Variants in SLC35F5 observed in about 807,000 individuals in gnomAD.
The protein encoded by SLC35F5 is HCV NS5A-transactivated protein 3.
SLC35F5 carries 54 observed loss-of-function variants against 68.6 expected under a neutral mutation model. That is an observed-to-expected ratio of 0.79 (90% CI 0.63 to 0.99). The LOEUF (loss-of-function observed/expected upper bound fraction) is 0.99. Among genes scored for constraint, SLC35F5 ranks in the 50% least tolerant of loss-of-function variants. The probability of loss-of-function intolerance (pLI) is 0.00; values close to 1 mark genes in which losing one functional copy is unlikely to be tolerated. For synonymous variants in SLC35F5, 211 were observed against 205.2 expected, an observed-to-expected ratio of 1.03 and a Z score of -0.24; for missense variants, 567 against 626.9, an observed-to-expected ratio of 0.90 and a Z score of 1.02.
At chr2:113,751,662 T>C (rs1190058302) in intron 3 of SLC35F5, among the ~76,000 whole-genome samples, 3 of 151,348 alleles carry the variant, frequency 2.0e-5, no homozygotes, top group Non-Finnish European at 2.9e-5. Context: ...ATACAAAAAT[T>C]TGCAGTACAT....
In SLC35F5 at chr2:113,732,424, A is replaced by G. The variant is rs552112906; in HGVS notation, c.921-776T>C. Among the ~76,000 whole-genome samples, 304 of 141,894 alleles carry G rather than the reference A, an allele frequency of 2.1e-3. 2 individuals carry two copies. The Middle Eastern group carries it at 0.04, about 19-fold the overall frequency. The allele number at this position is 141,894 out of a possible 152,430, so 93.1% of individuals were successfully genotyped here. A position where few individuals can be genotyped will look rare whatever the true frequency, so the allele number is the denominator to read the frequency against. ...TTTTCAAGTAGATGAGATATTGCTA[A>G]TTAAAAAAAAAAATTAGCCTAATTC... On this transcript the variant is annotated intron_variant, in intron 9 of 15. Coordinates refer to ENST00000245680, the MANE Select transcript of SLC35F5 (RefSeq NM_025181.5).
chr2:113,708,834 G>C lies in SLC35F5; in HGVS notation c.*6384C>G, dbSNP rs1226995786. 6.6e-6 allele frequency among the ~76,000 whole-genome samples: 1 copy of C among 151,388 alleles called. No homozygotes were observed. Among genetic ancestry groups the C allele is most frequent in the Non-Finnish European group, 1.5e-5 (1 of 67,726 alleles). On this transcript the variant is annotated 3_prime_UTR_variant, in exon 16 of 16. Transcript: ENST00000245680. The stretch of plus-strand genomic sequence containing the variant: ...GATGCTGTCTGAAAATCAAGATCAA[G>C]CAGGTGATGAAAACTATACCTTTTG...
At chr2:113,735,171 C>T (rs1263079150) in intron 8 of SLC35F5, among the ~76,000 whole-genome samples, 1 of 152,062 alleles carries the variant, frequency 6.6e-6, no homozygotes, top group Non-Finnish European at 1.5e-5. Context: ...GGAAAGGCAA[C>T]TACAATACAA....
In SLC35F5 at chr2:113,707,201, G is replaced by A. The variant is rs573677382; in HGVS notation, c.*8017C>T. ...ACTCATTATAAATATTTCATCTTCC[G>A]AAAGTACTCTTTGATTACCTCTGGC... On this transcript the variant is annotated 3_prime_UTR_variant, in exon 16 of 16. Coordinates refer to ENST00000245680, the MANE Select transcript of SLC35F5 (RefSeq NM_025181.5). 5.3e-5 allele frequency among the ~76,000 whole-genome samples: 8 copies of A among 152,024 alleles called. No individual in the cohort carries two copies. The highest frequency in any genetic ancestry group is 1.9e-4 in the East Asian group (1 of 5,182).
rs1258015145 is a variant in SLC35F5, at chr2:113,707,452, C to T, written c.*7766G>A. Among the ~76,000 whole-genome samples, 1 of 152,120 alleles carries T rather than the reference C, an allele frequency of 6.6e-6. No individual in the cohort carries two copies. The highest frequency in any genetic ancestry group is 2.1e-4 in the South Asian group (1 of 4,830). On this transcript the variant is annotated 3_prime_UTR_variant, in exon 16 of 16. Coordinates refer to ENST00000245680, the MANE Select transcript of SLC35F5 (RefSeq NM_025181.5). ...AAATTGTATATAAAATAACCCTTTA[C>T]AAGGATTTACTAGGATGACTGCAAA...
chr2:113,721,220 G>C (rs1375007381), intron 13 of SLC35F5: 1 of 151,760 alleles, frequency 6.6e-6, no homozygotes, highest in Non-Finnish European at 1.5e-5. Flanking sequence ...GACACACACT[G>C]CTGCTTTTTC....
At position 113,708,854 on chromosome 2, in the gene SLC35F5, CTT is replaced by C. The variant is rs3214782; in HGVS notation, c.*6362_*6363del. On this transcript the variant is annotated 3_prime_UTR_variant, in exon 16 of 16. Coordinates refer to ENST00000245680, the MANE Select transcript of SLC35F5 (RefSeq NM_025181.5). ...ATCAAGCAGGTGATGAAAACTATAC[CTT>C]TTGAACATGCATTAGGTAACCAGGG... Among the ~76,000 whole-genome samples, 72 of 152,118 alleles carry C rather than the reference CTT, an allele frequency of 4.7e-4. No homozygotes were observed. Among genetic ancestry groups the C allele is most frequent in the Middle Eastern group, 3.4e-3 (1 of 294 alleles).
intron 8 of SLC35F5, among the ~76,000 whole-genome samples, chr2:113,735,105 C>T (rs1459569184): frequency 6.6e-6 from 1 of 152,000 alleles, no homozygotes; most frequent in African/African-American, 2.4e-5. Context: ...CTGAAATAAG[C>T]AATTACATTT....
intron 10 of SLC35F5, among the ~76,000 whole-genome samples, chr2:113,730,821 A>G (rs1687853772): frequency 6.6e-6 from 1 of 152,244 alleles, no homozygotes; most frequent in African/African-American, 2.4e-5. Context: ...CTATGAATCA[A>G]GAATCAAGAG....
At chr2:113,739,473 C>G (rs1688210270) in intron 7 of SLC35F5, among the ~76,000 whole-genome samples, 1 of 152,084 alleles carries the variant, frequency 6.6e-6, no homozygotes, top group Admixed American at 6.5e-5. Context: ...TCTGACTTCC[C>G]AAAGAAATGC....
intron 1 of SLC35F5, 112 bp from the exon 2 acceptor site, chr2:113,755,656 C>T (rs1676950617): frequency 8.7e-7 from 1 of 1,151,466 alleles, no homozygotes; most frequent in African/African-American, 1.5e-5. Context: ...ATGAAAAGGA[C>T]CAAAATGTGT....
At chr2:113,733,596 A>C (rs1406878123) in intron 9 of SLC35F5, among the ~76,000 whole-genome samples, 1 of 152,210 alleles carries the variant, frequency 6.6e-6, no homozygotes, top group Non-Finnish European at 1.5e-5. Context: ...AATTAGTTGG[A>C]TCAACCAGCT....
chr2:113,708,708 AAAAAAT>A lies in SLC35F5; in HGVS notation c.*6504_*6509del, dbSNP rs937266280. ...GCAATGGAGTGAGACTCTGTCTCAA[AAAAAAT>A]AAAAAATAAAAAATAAAATACTGCA... On this transcript the variant is annotated 3_prime_UTR_variant, in exon 16 of 16. Transcript: ENST00000245680. Among the ~76,000 whole-genome samples the A allele has an allele frequency of 2.0e-5, 3 of 151,818 alleles. No individual in the cohort carries two copies. Among genetic ancestry groups the A allele is most frequent in the African/African-American group, 7.3e-5 (3 of 41,138 alleles).
intron 10 of SLC35F5, among the ~76,000 whole-genome samples, chr2:113,730,358 AT>A (rs554688324): frequency 1.3e-5 from 2 of 152,082 alleles, no homozygotes; most frequent in African/African-American, 4.8e-5. Flanking sequence ...GTTTTATTAA[AT>A]TTTTTTTATT....
At chr2:113,718,851 AAGAG>A (rs1483307247) in intron 14 of SLC35F5, among the ~76,000 whole-genome samples, 3 of 147,120 alleles carry the variant, frequency 2.0e-5, no homozygotes, top group African/African-American at 7.6e-5. Context: ...AGGAAAGAAA[AAGAG>A]AGAGAAAGAA....
At position 113,711,243 on chromosome 2, in the gene SLC35F5, C is replaced by G. The variant is rs1242997647; in HGVS notation, c.*3975G>C. 6.6e-6 allele frequency among the ~76,000 whole-genome samples: 1 copy of G among 152,110 alleles called. No individual in the cohort carries two copies. Among genetic ancestry groups the G allele is most frequent in the African/African-American group, 2.4e-5 (1 of 41,416 alleles). ...ACATGAACATTCCAGTAAATATGCA[C>G]ATAGAGGGTACTCATTACTTTTGGT... On this transcript the variant is annotated 3_prime_UTR_variant, in exon 16 of 16. Coordinates refer to ENST00000245680, the MANE Select transcript of SLC35F5 (RefSeq NM_025181.5).
At chr2:113,742,925 C>G (rs778034470) in intron 6 of SLC35F5, 46 bp from the exon 7 acceptor site, 2 of 1,535,844 alleles carry the variant, frequency 1.3e-6, no homozygotes, top group Admixed American at 3.6e-5. Context: ...AATTCCTCTC[C>G]AACAAAAGTC....
intron 15 of SLC35F5, among the ~76,000 whole-genome samples, chr2:113,716,196 T>C (rs1014448643): frequency 6.6e-6 from 1 of 152,104 alleles, no homozygotes; most frequent in African/African-American, 2.4e-5. Flanking sequence ...GATATCTCTG[T>C]AAGGAGGGGT....
At chr2:113,739,212 T>C (rs1018437906) in intron 7 of SLC35F5, among the ~76,000 whole-genome samples, 1 of 151,228 alleles carries the variant, frequency 6.6e-6, no homozygotes, top group African/African-American at 2.5e-5. Flanking sequence ...GTCCCTTATA[T>C]AAAATGGCAT....
Sources: gnomAD v4.1 joint callset for allele counts (sites outside exome capture counted in the v4.1 genomes callset) on GRCh38, gnomAD v4.1.1 for gene constraint, MANE v1.5 for transcripts, NCBI Gene and HGNC (gene_info 2026-07-23, HGNC 2026-07-21) for gene names.